Variants in NECTIN3 observed in about 807,000 individuals in gnomAD.
NECTIN3 encodes the protein nectin-3.
A neutral mutation model predicts 49.4 loss-of-function variants in NECTIN3; 8 were observed. The observed-to-expected ratio is 0.16, with a 90% confidence interval of 0.10 to 0.29. NECTIN3 has a LOEUF of 0.29. Among genes scored for constraint, NECTIN3 ranks in the 10% least tolerant of loss-of-function variants. The probability of loss-of-function intolerance (pLI) is 1.00; values close to 1 mark genes in which losing one functional copy is unlikely to be tolerated. For synonymous variants in NECTIN3, 277 were observed against 241.1 expected (o/e 1.15, Z -1.38); for missense variants, 581 against 654.6 (o/e 0.89, Z 1.23).
At chr3:111,137,968 C>T (rs1460683193), downstream of NECTIN3, among the ~76,000 whole-genome samples, 6 of 151,394 alleles carry the variant, frequency 4.0e-5, no homozygotes, top group Non-Finnish European at 8.9e-5. Flanking sequence ...CATGAATTAA[C>T]ATTCTCCATA....
upstream of NECTIN3, among the ~76,000 whole-genome samples, chr3:111,188,522 T>C (rs2035760571): frequency 6.6e-6 from 1 of 152,230 alleles, no homozygotes; most frequent in Non-Finnish European, 1.5e-5. Context: ...CTTTCTCTTC[T>C]TGTCCTTTAC....
intron 7 of NECTIN3, among the ~76,000 whole-genome samples, chr3:111,168,626 A>G (rs1456889520): frequency 1.3e-5 from 2 of 152,202 alleles, no homozygotes; most frequent in African/African-American, 4.8e-5. Flanking sequence ...TGGATTAATC[A>G]ATCAAAGGTG....
Position 111,071,915 on chromosome 3 carries a change from A to G in NECTIN3, c.-103A>G. 1.4e-6 allele frequency: 1 copy of G among 731,860 alleles called. No homozygotes were observed. The highest frequency in any genetic ancestry group is 1.9e-6 in the Non-Finnish European group (1 of 520,030). 45.3% of individuals were successfully genotyped at this position (731,860 alleles called of 1,614,324 possible). On this transcript the variant is annotated 5_prime_UTR_variant, in exon 1 of 6. Coordinates refer to ENST00000485303, the MANE Select transcript of NECTIN3 (RefSeq NM_015480.3). The stretch of plus-strand genomic sequence containing the variant: ...ACGGCGCTAGAGCTGGGAGCTGGGG[A>G]CGCGCGCGCCGGACCTTCCACAGCC...
chr3:111,155,420 T>C (rs2035077755), intron 7 of NECTIN3, among the ~76,000 whole-genome samples: 1 of 152,196 alleles, frequency 6.6e-6, no homozygotes. Flanking sequence ...TGAAGTTTAA[T>C]GTGGTAAGCC....
intron 7 of NECTIN3, among the ~76,000 whole-genome samples, chr3:111,162,122 G>A (rs2035224623): frequency 6.6e-6 from 1 of 151,952 alleles, no homozygotes; most frequent in African/African-American, 2.4e-5. Flanking sequence ...CAATATCTTT[G>A]CAGGGTTTTC....
At position 111,112,032 on chromosome 3, in the gene NECTIN3, G is replaced by A. The variant is rs1455011236; in HGVS notation, c.163G>A (p.Ala55Thr). The A allele has an allele frequency of 6.2e-7, 1 of 1,602,010 alleles. No individual in the cohort carries two copies. Among genetic ancestry groups the A allele is most frequent in the East Asian group, 2.2e-5 (1 of 44,710 alleles). Reference protein sequence around the residue: ...PLLLFSRLCGALAGPIIVEPH... With the variant: ...PLLLFSRLCGTLAGPIIVEPH... Reference sequence around the variant, plus strand: ...TAGTACTTTTTTTTCCTCCATAGGTGCCTTAGCTGGACCAATTATTGTGGA... The same window carrying A: ...TAGTACTTTTTTTTCCTCCATAGGTACCTTAGCTGGACCAATTATTGTGGA... The change falls in exon 2 of 6, where the codon GCC becomes ACC. Residue 55 changes from alanine (A) to threonine (T), a missense_variant and splice_region_variant. This residue lies in a region of NECTIN3 where 109 missense variants were observed against 69.1 expected (regional missense o/e 1.58). Coordinates refer to ENST00000485303, the MANE Select transcript of NECTIN3 (RefSeq NM_015480.3).
At chr3:111,095,958 T>C (rs1186795993) in intron 1 of NECTIN3, among the ~76,000 whole-genome samples, 1 of 152,076 alleles carries the variant, frequency 6.6e-6, no homozygotes, top group Non-Finnish European at 1.5e-5. Flanking sequence ...GTCAGTGGAG[T>C]GGGGCATTAC....
intron 7 of NECTIN3, among the ~76,000 whole-genome samples, chr3:111,157,366 A>G (rs1407223497): frequency 6.6e-6 from 1 of 152,144 alleles, no homozygotes; most frequent in African/African-American, 2.4e-5. Context: ...CAAAAAACTT[A>G]GAACTTAAAA....
At chr3:111,113,811 C>T (rs2033574353) in intron 2 of NECTIN3, among the ~76,000 whole-genome samples, 1 of 152,024 alleles carries the variant, frequency 6.6e-6, no homozygotes, top group African/African-American at 2.4e-5. Flanking sequence ...TGGCAAAACC[C>T]CATCTCTACT....
chr3:111,113,614 A>G (rs559935999), intron 2 of NECTIN3, among the ~76,000 whole-genome samples: 1 of 152,148 alleles, frequency 6.6e-6, no homozygotes, highest in Non-Finnish European at 1.5e-5. Flanking sequence ...CATTTAAGAG[A>G]TTGATGTTTT....
chr3:111,136,956 G>T lies in NECTIN3; in HGVS notation c.*2741G>T. ...AGTATTTTACCACGTGCCTAGTAGG[G>T]TTCTATTTGCTAACTCTAATATTGA... On this transcript the variant is annotated 3_prime_UTR_variant, in exon 6 of 6. Coordinates refer to ENST00000485303, the MANE Select transcript of NECTIN3 (RefSeq NM_015480.3). 1 of 975,636 alleles carries T rather than the reference G, an allele frequency of 1.0e-6. No homozygotes were observed. The highest frequency in any genetic ancestry group is 1.2e-6 in the Non-Finnish European group (1 of 821,300). The allele number at this position is 975,636 out of a possible 1,614,324, so 60.4% of individuals were successfully genotyped here. A position where few individuals can be genotyped will look rare whatever the true frequency, so the allele number is the denominator to read the frequency against.
At chr3:111,098,255 C>T (rs563116274) in intron 1 of NECTIN3, among the ~76,000 whole-genome samples, 1 of 152,204 alleles carries the variant, frequency 6.6e-6, no homozygotes, top group African/African-American at 2.4e-5. Flanking sequence ...GGTATCATGC[C>T]AAATTTAGTG....
intron 1 of NECTIN3, among the ~76,000 whole-genome samples, chr3:111,088,191 CTTAT>C (rs1035251178): frequency 1.3e-5 from 2 of 152,048 alleles, no homozygotes; most frequent in African/African-American, 4.8e-5. Flanking sequence ...AGTTCTCACT[CTTAT>C]TAATTCCTGC....
chr3:111,127,220 A>G (rs929570075), intron 5 of NECTIN3, among the ~76,000 whole-genome samples: 2 of 152,198 alleles, frequency 1.3e-5, no homozygotes, highest in African/African-American at 4.8e-5. Flanking sequence ...AAAACTAGAT[A>G]AATTAGAGGT....
intron 7 of NECTIN3, among the ~76,000 whole-genome samples, chr3:111,177,524 T>G (rs1189819393): frequency 6.6e-6 from 1 of 152,216 alleles, no homozygotes; most frequent in East Asian, 1.9e-4. Context: ...TTTTTTAAGA[T>G]ACTGTGTAGT....
At position 111,137,496 on chromosome 3, in the gene NECTIN3, G is replaced by A. The variant is rs2034622153; in HGVS notation, c.*3281G>A. ...TCTTTTTTAACCAACCTGTGTATTA[G>A]GTGTTAGCCCCAATAGCCATGCATG... On this transcript the variant is annotated 3_prime_UTR_variant, in exon 6 of 6. Coordinates refer to ENST00000485303, the MANE Select transcript of NECTIN3 (RefSeq NM_015480.3). The A allele has an allele frequency of 3.5e-6, 3 of 860,844 alleles. No homozygotes were observed. The highest frequency in any genetic ancestry group is 3.9e-6 in the Non-Finnish European group (3 of 760,418). 53.3% of individuals were successfully genotyped at this position (860,844 alleles called of 1,614,324 possible).
intron 7 of NECTIN3, among the ~76,000 whole-genome samples, chr3:111,173,545 T>G (rs1271064495): frequency 6.6e-6 from 1 of 152,208 alleles, no homozygotes; most frequent in Admixed American, 6.5e-5. Flanking sequence ...TGAAGAACAA[T>G]CACTTCTCCC....
Position 111,072,132 on chromosome 3 carries a change from C to G in NECTIN3, c.115C>G (p.Leu39Val), listed in dbSNP as rs371858722. 5 of 1,546,008 alleles carry G rather than the reference C, an allele frequency of 3.2e-6. No homozygotes were observed. Among genetic ancestry groups the G allele is most frequent in the Non-Finnish European group, 4.4e-6 (5 of 1,144,810 alleles). Reference sequence around the variant, plus strand: ...GCTGCAGCCCCCGACGCCACCTCCGCTGCTGCTGCTGCTCTTCCCGCTGCT... The same window carrying G: ...GCTGCAGCCCCCGACGCCACCTCCGGTGCTGCTGCTGCTCTTCCCGCTGCT... ...LLLQPPTPPP[L>V]LLLLFPLLLF... The change falls in exon 1 of 6, where the codon CTG (leucine) becomes GTG (valine). Residue 39 changes from leucine to valine, a missense_variant. Leu to Val is a conservative substitution (Grantham distance 32). Around this residue, in one of 3 missense-constraint regions of NECTIN3, gnomAD observed 109 missense variants for 69.1 expected, o/e 1.58. Transcript: ENST00000485303.
At position 111,137,348 on chromosome 3, in the gene NECTIN3, A is replaced by G; in HGVS notation, c.*3133A>G. The G allele has an allele frequency of 2.1e-6, 2 of 971,704 alleles. No homozygotes were observed. Among genetic ancestry groups the G allele is most frequent in the Non-Finnish European group, 2.4e-6 (2 of 817,778 alleles). The allele number at this position is 971,704 out of a possible 1,614,324, so 60.2% of individuals were successfully genotyped here. On this transcript the variant is annotated 3_prime_UTR_variant, in exon 6 of 6. Coordinates refer to ENST00000485303, the MANE Select transcript of NECTIN3 (RefSeq NM_015480.3). ...TAATTAGAAAATGCATCCTTCATAAACAGCTCCTTTCTCAAATTTTTTGTA... is the reference window on the plus strand; with the variant it reads ...TAATTAGAAAATGCATCCTTCATAAGCAGCTCCTTTCTCAAATTTTTTGTA...
Sources: gnomAD v4.1 joint callset for allele counts (sites outside exome capture counted in the v4.1 genomes callset) on GRCh38, gnomAD v4.1.1 for gene constraint, gnomAD v4.1.1 regional missense constraint, MANE v1.5 for transcripts, NCBI Gene and HGNC (gene_info 2026-07-23, HGNC 2026-07-21) for gene names.